AGBL1: variants seen among roughly 807,000 people sequenced by gnomAD.
The protein encoded by AGBL1 is cytosolic carboxypeptidase 4.
Under a neutral mutation model 118.9 loss-of-function variants are expected in AGBL1, and 130 were observed. That is an observed-to-expected ratio of 1.09 (90% CI 0.95 to 1.26). AGBL1 has a LOEUF of 1.26. AGBL1 is among the 50% of genes most tolerant of loss of function. The pLI, the probability that AGBL1 is intolerant of heterozygous loss-of-function variation, is 0.00. For synonymous variants in AGBL1, 555 were observed against 478.9 expected (o/e 1.16, Z -2.08); for missense variants, 1,584 against 1,298.1 (o/e 1.22, Z -3.38).
chr15:86,581,827 T>C (rs1351108743), intron 21 of AGBL1, among the ~76,000 whole-genome samples: 3 of 152,042 alleles, frequency 2.0e-5, no homozygotes, highest in Non-Finnish European at 4.4e-5. Flanking sequence ...CCAAGGAAGG[T>C]GGTGAAATGA....
chr15:86,597,330 G>A (rs1045239318), intron 21 of AGBL1, among the ~76,000 whole-genome samples: 10 of 152,148 alleles, frequency 6.6e-5, no homozygotes, highest in African/African-American at 1.4e-4. Context: ...AGCTTCTTAC[G>A]CCAGCTTATA....
At chr15:86,747,691 T>A (rs1476893969) in intron 22 of AGBL1, among the ~76,000 whole-genome samples, 2 of 151,978 alleles carry the variant, frequency 1.3e-5, no homozygotes, top group Non-Finnish European at 2.9e-5. Context: ...ATGTGTTCTC[T>A]TTGTTCAGTT....
At chr15:86,812,590 A>T (rs187751273) in intron 22 of AGBL1, among the ~76,000 whole-genome samples, 17 of 152,310 alleles carry the variant, frequency 1.1e-4, no homozygotes, top group Admixed American at 1.1e-3. Flanking sequence ...GACAGTGGTG[A>T]TCCTGGTACG....
chr15:86,499,800 T>C (rs1270038369), intron 18 of AGBL1, among the ~76,000 whole-genome samples: 1 of 151,894 alleles, frequency 6.6e-6, no homozygotes, highest in Non-Finnish European at 1.5e-5. Flanking sequence ...TAAGTGAAAG[T>C]AGTGACCTGG....
At position 86,703,395 on chromosome 15, in the gene AGBL1, T is replaced by C. The variant is rs75004602; in HGVS notation, c.3158+28959T>C. Among the ~76,000 whole-genome samples, 595 of 152,216 alleles carry C rather than the reference T, an allele frequency of 3.9e-3. 15 individuals are homozygous for C. In the East Asian group the frequency reaches 0.066, roughly 17 times the overall value. On this transcript the variant is annotated intron_variant, in intron 22 of 22. Transcript: ENST00000614907. The stretch of plus-strand genomic sequence containing the variant: ...TGTAAGCAGATGATGTGCTTTTAGG[T>C]GAGTTGTTTACATTGTTTATGTTTC...
intron 16 of AGBL1, among the ~76,000 whole-genome samples, chr15:86,286,735 G>GTATGTGTATATATATATATA (rs2079457877): frequency 4.7e-5 from 5 of 106,252 alleles, no homozygotes; most frequent in African/African-American, 1.9e-4. Context: ...GTTTGTGTGT[G>GTATGTGTATATATATATATA]TATATATATA....
chr15:86,231,973 C>G (rs2078463136), intron 6 of AGBL1, among the ~76,000 whole-genome samples: 1 of 152,148 alleles, frequency 6.6e-6, no homozygotes, highest in Admixed American at 6.5e-5. Context: ...AAGAGGTACC[C>G]AGCACACCAC....
intron 24 of AGBL1, among the ~76,000 whole-genome samples, chr15:87,004,447 C>T (rs2081475647): frequency 6.6e-6 from 1 of 152,168 alleles, no homozygotes; most frequent in South Asian, 2.1e-4. Flanking sequence ...ATGTAATGGC[C>T]TTCCTTGTCT....
intron 18 of AGBL1, among the ~76,000 whole-genome samples, chr15:86,446,341 C>T (rs367552792): frequency 2.6e-5 from 4 of 152,372 alleles, no homozygotes; most frequent in Non-Finnish European, 4.4e-5. Context: ...AGACGCACTG[C>T]TCTGGTGTTG....
chr15:86,787,883 A>AT (rs1355674610), intron 22 of AGBL1, among the ~76,000 whole-genome samples: 10 of 151,820 alleles, frequency 6.6e-5, no homozygotes, highest in Admixed American at 5.9e-4. Context: ...TGAATTTTTG[A>AT]TTTTTTTAAA....
intron 21 of AGBL1, among the ~76,000 whole-genome samples, chr15:86,606,042 G>A (rs988023166): frequency 1.2e-4 from 17 of 144,946 alleles, no homozygotes; most frequent in African/African-American, 2.1e-4. Flanking sequence ...CAGGAGAATC[G>A]CTTAAACCCA....
Position 86,786,235 on chromosome 15 carries a change from T to G in AGBL1, c.3158+111799T>G, listed in dbSNP as rs375851967. 3.9e-5 allele frequency among the ~76,000 whole-genome samples: 6 copies of G among 152,192 alleles called. No homozygotes were observed. In the East Asian group the frequency reaches 7.7e-4, roughly 20 times the overall value. On this transcript the variant is annotated intron_variant, in intron 22 of 22. Transcript: ENST00000614907. ...CTCGTCATTTAGCATTAGGTATATC[T>G]CCTAAAGCTATCCCTCCCCCTTCCC...
chr15:86,575,887 T>C (rs1465958709), intron 21 of AGBL1, among the ~76,000 whole-genome samples: 3 of 152,192 alleles, frequency 2.0e-5, no homozygotes, highest in African/African-American at 7.2e-5. Flanking sequence ...TGAGCCACCA[T>C]GATGGGCCTT....
intron 21 of AGBL1, among the ~76,000 whole-genome samples, chr15:86,556,487 C>G (rs911440919): frequency 6.6e-6 from 1 of 152,182 alleles, no homozygotes; most frequent in Admixed American, 6.5e-5. Flanking sequence ...CCTGTCCTTA[C>G]AAACATTGTT....
chr15:86,477,754 C>G (rs1447629081), intron 18 of AGBL1, among the ~76,000 whole-genome samples: 1 of 152,136 alleles, frequency 6.6e-6, no homozygotes, highest in East Asian at 1.9e-4. Context: ...CGTTCTGAGA[C>G]CAAAGCCTGG....
chr15:86,264,633 A>G lies in AGBL1; in HGVS notation c.1462A>G (p.Thr488Ala), dbSNP rs1250165671. Reference protein sequence around the residue: ...MSASFSNSTRTREVVKVIDKL... With the variant: ...MSASFSNSTRAREVVKVIDKL... ...TGCCTCCTTTTCTAATTCCACTAGG[A>G]CTAGAGAAGTTGTCAAAGTAATAGA... Residue 488 changes from threonine to alanine, a missense_variant, in exon 11 of 23, where the codon ACT (threonine) becomes GCT (alanine). Physicochemically the swap from Thr to Ala is moderately conservative, Grantham distance 58. Transcript: ENST00000614907. The G allele has an allele frequency of 1.9e-6, 3 of 1,613,936 alleles. No individual in the cohort carries two copies. Among genetic ancestry groups the G allele is most frequent in the South Asian group, 2.2e-5 (2 of 91,054 alleles).
intron 23 of AGBL1, among the ~76,000 whole-genome samples, chr15:86,928,180 T>C (rs966591794): frequency 1.3e-5 from 2 of 152,188 alleles, no homozygotes. Flanking sequence ...AGGCAATTGA[T>C]GGCATGAAGA....
intron 17 of AGBL1, among the ~76,000 whole-genome samples, chr15:86,329,946 C>A (rs565304094): frequency 1.3e-5 from 2 of 152,342 alleles, no homozygotes; most frequent in Non-Finnish European, 2.9e-5. Context: ...GGAATTTAGG[C>A]TTCCCCCTAC....
chr15:86,447,715 T>A (rs1032356432), intron 18 of AGBL1, among the ~76,000 whole-genome samples: 1 of 152,146 alleles, frequency 6.6e-6, no homozygotes, highest in Non-Finnish European at 1.5e-5. Context: ...TTACTGAGTA[T>A]CTGGTAGGGC....
Sources: allele counts gnomAD v4.1 joint callset (sites outside exome capture counted in the v4.1 genomes callset), GRCh38; gene constraint gnomAD v4.1.1; transcripts MANE v1.5; gene names NCBI Gene and HGNC (gene_info 2026-07-23, HGNC 2026-07-21).